Variants in HTT-AS observed in about 807,000 individuals in gnomAD.
HTT-AS encodes the protein HTT antisense RNA.
intron 2 of HTT-AS, among the ~76,000 whole-genome samples, chr4:3,055,179 T>A (rs1393058668): frequency 6.6e-6 from 1 of 151,790 alleles, no homozygotes; most frequent in Non-Finnish European, 1.5e-5. Context: ...GCGCCTGTAG[T>A]CCCAGCTACT....
At chr4:3,073,933 G>C (rs1322694012) in intron 1 of HTT-AS, among the ~76,000 whole-genome samples, 1 of 152,110 alleles carries the variant, frequency 6.6e-6, no homozygotes, top group African/African-American at 2.4e-5. Context: ...GTCCACGGCC[G>C]GCTGTCGCCC....
chr4:3,052,203 G>T (rs985070772), intron 2 of HTT-AS, among the ~76,000 whole-genome samples: 3 of 152,024 alleles, frequency 2.0e-5, no homozygotes, highest in African/African-American at 7.2e-5. Context: ...GCCATTTTTT[G>T]ATTTTCTCCC....
chr4:3,059,639 G>C (rs1029383913), intron 2 of HTT-AS, among the ~76,000 whole-genome samples: 8 of 151,992 alleles, frequency 5.3e-5, no homozygotes, highest in African/African-American at 1.9e-4. Flanking sequence ...ACCCAGGCTG[G>C]AGTGCAGTGG....
chr4:3,050,225 A>G (rs1370055505), intron 2 of HTT-AS, among the ~76,000 whole-genome samples: 3 of 152,238 alleles, frequency 2.0e-5, no homozygotes, highest in African/African-American at 7.2e-5. Context: ...TCTCCAAATT[A>G]GGTGCATTGC....
At chr4:3,061,220 T>C (rs900845724) in intron 2 of HTT-AS, among the ~76,000 whole-genome samples, 1 of 152,196 alleles carries the variant, frequency 6.6e-6, no homozygotes, top group African/African-American at 2.4e-5. Flanking sequence ...GTTTTATACA[T>C]TTTAGGGAGA....
At chr4:3,072,852 TCCTGACCTCTGGTGATCTG>T (rs1208645998) in intron 1 of HTT-AS, among the ~76,000 whole-genome samples, 1 of 152,224 alleles carries the variant, frequency 6.6e-6, no homozygotes, top group African/African-American at 2.4e-5. Context: ...GGTCTCGAAC[TCCTGACCTCTGGTGATCTG>T]CCTGCCTTGG....
intron 1 of HTT-AS, chr4:3,069,884 C>G (rs1024390382): frequency 1.3e-5 from 2 of 152,548 alleles, no homozygotes; most frequent in African/African-American, 2.4e-5. Context: ...AAAGAGCCTC[C>G]TCTGCTCTCC....
At chr4:3,046,183 T>C (rs1268235768), downstream of HTT-AS, among the ~76,000 whole-genome samples, 2 of 152,236 alleles carry the variant, frequency 1.3e-5, no homozygotes, top group Admixed American at 1.3e-4. Flanking sequence ...ATTCACGAAT[T>C]GGGCAGCCCC....
chr4:3,072,459 G>A (rs1275398394), intron 1 of HTT-AS, among the ~76,000 whole-genome samples: 2 of 152,190 alleles, frequency 1.3e-5, no homozygotes, highest in African/African-American at 4.8e-5. Flanking sequence ...TTAGAAGCAG[G>A]CCACCAGGTA....
intron 2 of HTT-AS, among the ~76,000 whole-genome samples, chr4:3,049,943 C>T: frequency 6.9e-6 from 1 of 144,122 alleles, no homozygotes; most frequent in African/African-American, 2.7e-5. Context: ...CACACACACA[C>T]ACACATATAC....
chr4:3,055,446 C>T (rs1711789208), intron 2 of HTT-AS, among the ~76,000 whole-genome samples: 1 of 152,162 alleles, frequency 6.6e-6, no homozygotes, highest in Non-Finnish European at 1.5e-5. Flanking sequence ...TATTCAAAGT[C>T]AGCCAATTTG....
At chr4:3,068,953 C>A (rs1712110940) in intron 1 of HTT-AS, among the ~76,000 whole-genome samples, 2 of 152,164 alleles carry the variant, frequency 1.3e-5, no homozygotes, top group Non-Finnish European at 2.9e-5. Flanking sequence ...CTGCATCTGG[C>A]CTATGTGTGT....
At chr4:3,070,521 C>T (rs189026759) in intron 1 of HTT-AS, among the ~76,000 whole-genome samples, 57 of 152,264 alleles carry the variant, frequency 3.7e-4, no homozygotes, top group African/African-American at 1.3e-3. Flanking sequence ...AACTCCTGAC[C>T]TCAGGTGATC....
At chr4:3,072,410 C>G (rs1712195477) in intron 1 of HTT-AS, among the ~76,000 whole-genome samples, 1 of 152,232 alleles carries the variant, frequency 6.6e-6, no homozygotes, top group South Asian at 2.1e-4. Context: ...CTTTTGCGAC[C>G]TAGTCATGGG....
At chr4:3,060,636 C>T (rs1271802260) in intron 2 of HTT-AS, among the ~76,000 whole-genome samples, 4 of 152,202 alleles carry the variant, frequency 2.6e-5, no homozygotes, top group African/African-American at 9.6e-5. Context: ...CCTGTAAAAT[C>T]GAGCTGCAGA....
exon 2 of HTT-AS, among the ~76,000 whole-genome samples, chr4:3,062,848 G>T (rs1258535864): frequency 1.3e-5 from 2 of 152,086 alleles, no homozygotes; most frequent in East Asian, 1.9e-4. Context: ...TGAGGGCCAA[G>T]CAGCATTGCA....
At chr4:3,064,786 C>A (rs972081419) in intron 1 of HTT-AS, among the ~76,000 whole-genome samples, 1 of 152,214 alleles carries the variant, frequency 6.6e-6, no homozygotes, top group Non-Finnish European at 1.5e-5. Flanking sequence ...AAAAACAAAA[C>A]TTCCCAATTC....
At position 3,061,684 on chromosome 4, in the gene HTT-AS, G is replaced by GA. The variant is rs71644374; in HGVS notation, n.1380+749dup. On this transcript the variant is annotated intron_variant and non_coding_transcript_variant, in intron 2 of 2. Coordinates refer to ENST00000664062, the Ensembl canonical transcript of HTT-AS. ...GCAACAAGAGTGAAACTCCATCTCAGAAAAAAAAAAAAAAGGCCTGGGCAA... is the reference window on the plus strand; with the variant it reads ...GCAACAAGAGTGAAACTCCATCTCAGAAAAAAAAAAAAAAAGGCCTGGGCAA... Among the ~76,000 whole-genome samples, 537 of 110,854 alleles carry GA rather than the reference G, an allele frequency of 4.8e-3. 8 individuals are homozygous for GA. Among genetic ancestry groups the GA allele is most frequent in the South Asian group, 0.011 (38 of 3,482 alleles). 72.7% of individuals were successfully genotyped at this position (110,854 alleles called of 152,430 possible). A position where few individuals can be genotyped will look rare whatever the true frequency, so the allele number is the denominator to read the frequency against.
At chr4:3,069,780 A>G (rs1382043626) in intron 1 of HTT-AS, among the ~76,000 whole-genome samples, 1 of 152,104 alleles carries the variant, frequency 6.6e-6, no homozygotes, top group African/African-American at 2.4e-5. Context: ...GCTCTTTACC[A>G]GCTCCTGGCT....
Sources: allele counts gnomAD v4.1 joint callset (sites outside exome capture counted in the v4.1 genomes callset), GRCh38; gene constraint gnomAD v4.1.1; transcripts MANE v1.5; gene names NCBI Gene and HGNC (gene_info 2026-07-23, HGNC 2026-07-21).